Variants in RALGAPA1 observed in about 807,000 individuals in gnomAD.
RALGAPA1 encodes ral GTPase-activating protein subunit alpha-1.
A neutral mutation model predicts 269.6 loss-of-function variants in RALGAPA1; 52 were observed. The observed-to-expected ratio is 0.19, with a 90% confidence interval of 0.15 to 0.24. RALGAPA1 has a LOEUF of 0.24. Among genes scored for constraint, RALGAPA1 ranks in the 10% least tolerant of loss-of-function variants. RALGAPA1 has a pLI of 1.00. For synonymous variants in RALGAPA1, 817 were observed against 1,008.3 expected, an observed-to-expected ratio of 0.81 and a Z score of 3.60; for missense variants, 1,917 against 3,013.9, an observed-to-expected ratio of 0.64 and a Z score of 8.52.
At chr14:35,714,014 G>A (rs1389506939) in intron 16 of RALGAPA1, among the ~76,000 whole-genome samples, 1 of 151,510 alleles carries the variant, frequency 6.6e-6, no homozygotes, top group Non-Finnish European at 1.5e-5. Flanking sequence ...AGAATTGCTT[G>A]AACCCAGGAG....
chr14:35,660,486 C>T (rs539231789), intron 27 of RALGAPA1, among the ~76,000 whole-genome samples: 1 of 152,076 alleles, frequency 6.6e-6, no homozygotes, highest in Admixed American at 6.5e-5. Context: ...CTATAAAACA[C>T]TGAGGAAAGA....
intron 41 of RALGAPA1, chr14:35,541,612 A>G: frequency 2.5e-6 from 1 of 398,000 alleles, no homozygotes. Flanking sequence ...ATATGAATCC[A>G]TGACCCCCTT....
At chr14:35,753,957 T>A (rs2072959727) in intron 7 of RALGAPA1, among the ~76,000 whole-genome samples, 1 of 152,120 alleles carries the variant, frequency 6.6e-6, no homozygotes, top group South Asian at 2.1e-4. Context: ...AAGGGGATAT[T>A]TAGGTAGTTA....
At chr14:35,731,211 T>C (rs1438765021) in intron 12 of RALGAPA1, among the ~76,000 whole-genome samples, 4 of 152,286 alleles carry the variant, frequency 2.6e-5, no homozygotes, top group South Asian at 2.1e-4. Context: ...AAGAACACTC[T>C]ATGGGACAAA....
rs532540319 is a variant in RALGAPA1 at position 35,568,338 on chromosome 14, C to CA, written c.7496+2278dup. Among the ~76,000 whole-genome samples the CA allele has an allele frequency of 1.1e-4, 17 of 151,716 alleles. No individual in the cohort carries two copies. In the South Asian group the frequency reaches 3.5e-3, roughly 32 times the overall value. On this transcript the variant is annotated intron_variant, in intron 39 of 41. Coordinates refer to ENST00000680220, the MANE Select transcript of RALGAPA1 (RefSeq NM_001346249.2). ...AAGTATAATGAAATTTTCCAAAATCCAAAAAAATCTGAAATCTGAAACATT... is the reference window on the plus strand; with the variant it reads ...AAGTATAATGAAATTTTCCAAAATCCAAAAAAAATCTGAAATCTGAAACATT...
At chr14:35,767,652 C>T (rs963347764) in intron 4 of RALGAPA1, among the ~76,000 whole-genome samples, 1 of 152,174 alleles carries the variant, frequency 6.6e-6, no homozygotes, top group South Asian at 2.1e-4. Context: ...AGCGTCACTG[C>T]ACTCCAGTCT....
chr14:35,708,150 G>A (rs1376631788), intron 16 of RALGAPA1, among the ~76,000 whole-genome samples: 1 of 151,998 alleles, frequency 6.6e-6, no homozygotes, highest in Non-Finnish European at 1.5e-5. Context: ...CTCAAACTAT[G>A]ACATTATTGA....
intron 1 of RALGAPA1, among the ~76,000 whole-genome samples, chr14:35,783,867 A>C (rs1388258971): frequency 6.6e-6 from 1 of 152,182 alleles, no homozygotes; most frequent in Non-Finnish European, 1.5e-5. Flanking sequence ...ATGAGATACT[A>C]CTTCTAACCC....
intron 37 of RALGAPA1, among the ~76,000 whole-genome samples, chr14:35,576,149 T>C (rs2057546117): frequency 1.3e-5 from 2 of 152,228 alleles, no homozygotes. Flanking sequence ...AGTTTACTAA[T>C]ATTTCTATTA....
rs951053292 is a variant in RALGAPA1 at position 35,746,435 on chromosome 14, T to C, written c.1251+2150A>G. Among the ~76,000 whole-genome samples the C allele has an allele frequency of 2.1e-4, 32 of 152,196 alleles. 1 individual carries two copies. The highest frequency in any genetic ancestry group is 7.7e-4 in the African/African-American group (32 of 41,450). On this transcript the variant is annotated intron_variant, in intron 10 of 41. Transcript: ENST00000680220. ...ATGCAAGCAAATGAAATTTTATCTA[T>C]GTAAGGCCATGATTATGTTAACCAG...
At chr14:35,667,046 G>C (rs895098414) in intron 26 of RALGAPA1, among the ~76,000 whole-genome samples, 1 of 152,076 alleles carries the variant, frequency 6.6e-6, no homozygotes, top group African/African-American at 2.4e-5. Context: ...TTTACTCCCA[G>C]ATTAATACTT....
intron 37 of RALGAPA1, 145 bp from the exon 38 acceptor site, chr14:35,572,863 C>T: frequency 2.1e-6 from 1 of 482,200 alleles, no homozygotes; most frequent in Non-Finnish European, 3.6e-6. Flanking sequence ...AACACAAACA[C>T]TCAAAAACAT....
At chr14:35,791,990 T>C (rs989874270) in intron 1 of RALGAPA1, among the ~76,000 whole-genome samples, 1 of 149,492 alleles carries the variant, frequency 6.7e-6, no homozygotes, top group African/African-American at 2.5e-5. Context: ...TCTTGAAGAA[T>C]GTTATTACAC....
chr14:35,599,904 G>A (rs1448621387), intron 36 of RALGAPA1, among the ~76,000 whole-genome samples: 2 of 152,124 alleles, frequency 1.3e-5, no homozygotes, highest in Non-Finnish European at 2.9e-5. Flanking sequence ...TTCTCTGGAT[G>A]CTTTCAAGAA....
At chr14:35,713,485 A>C (rs938096526) in intron 16 of RALGAPA1, among the ~76,000 whole-genome samples, 2 of 152,228 alleles carry the variant, frequency 1.3e-5, no homozygotes, top group Non-Finnish European at 2.9e-5. Flanking sequence ...ACAGTACTCA[A>C]CATTTCCAAA....
chr14:35,574,327 A>G (rs2057406564), intron 37 of RALGAPA1, among the ~76,000 whole-genome samples: 1 of 152,214 alleles, frequency 6.6e-6, no homozygotes, highest in African/African-American at 2.4e-5. Flanking sequence ...AAGGGCAAGT[A>G]TACTTTTATT....
chr14:35,647,268 A>G (rs988880995), intron 31 of RALGAPA1, among the ~76,000 whole-genome samples: 1 of 152,162 alleles, frequency 6.6e-6, no homozygotes, highest in East Asian at 1.9e-4. Flanking sequence ...ATTTTTATTG[A>G]ATTTATCTTT....
chr14:35,559,704 A>T (rs1330087971), intron 39 of RALGAPA1, among the ~76,000 whole-genome samples: 1 of 152,204 alleles, frequency 6.6e-6, no homozygotes, highest in Admixed American at 6.5e-5. Context: ...AACAGATAAG[A>T]TGGTGGTAAT....
chr14:35,627,023 T>C (rs1045219856), intron 34 of RALGAPA1, 67 bp downstream of exon 34: 2 of 1,348,908 alleles, frequency 1.5e-6, no homozygotes, highest in African/African-American at 3.2e-5. Flanking sequence ...GAAAATAAAA[T>C]GCTTTATCAG....
Sources: allele counts gnomAD v4.1 joint callset (sites outside exome capture counted in the v4.1 genomes callset), GRCh38; gene constraint gnomAD v4.1.1; transcripts MANE v1.5; gene names NCBI Gene and HGNC (gene_info 2026-07-23, HGNC 2026-07-21).